GABRG3: variants seen among roughly 807,000 people sequenced by gnomAD.
The protein encoded by GABRG3 is gamma-aminobutyric acid receptor subunit gamma-3.
GABRG3 carries 25 observed loss-of-function variants against 48.8 expected under a neutral mutation model. That is an observed-to-expected ratio of 0.51 (90% confidence interval 0.37 to 0.72). The LOEUF is 0.72. GABRG3 is among the 30% of genes least tolerant of loss of function. The pLI is 0.00. For synonymous variants in GABRG3, 227 were observed against 217.6 expected, an observed-to-expected ratio of 1.04 and a Z score of -0.38; for missense variants, 394 against 577.9, an observed-to-expected ratio of 0.68 and a Z score of 3.26.
chr15:27,310,024 T>G (rs770784930), intron 3 of GABRG3, among the ~76,000 whole-genome samples: 5 of 152,042 alleles, frequency 3.3e-5, no homozygotes, highest in Admixed American at 2.0e-4. Flanking sequence ...CTTGGACAAA[T>G]CTCAGAGGCA....
intron 7 of GABRG3, among the ~76,000 whole-genome samples, chr15:27,521,433 G>A (rs887561760): frequency 6.6e-6 from 1 of 152,074 alleles, no homozygotes; most frequent in Non-Finnish European, 1.5e-5. Context: ...TTCTTAAAAA[G>A]ATAATATAGT....
chr15:27,175,606 C>A (rs892147569), intron 3 of GABRG3, among the ~76,000 whole-genome samples: 1 of 152,220 alleles, frequency 6.6e-6, no homozygotes, highest in South Asian at 2.1e-4. Context: ...AAGAGCTAGA[C>A]ATGAGGCTCT....
chr15:27,379,804 T>C (rs1354848075), intron 5 of GABRG3, among the ~76,000 whole-genome samples: 1 of 152,218 alleles, frequency 6.6e-6, no homozygotes, highest in Non-Finnish European at 1.5e-5. Context: ...TCTGCTTCTC[T>C]ATAGTGAAGG....
intron 3 of GABRG3, among the ~76,000 whole-genome samples, chr15:27,317,632 G>C (rs554696345): frequency 6.6e-6 from 1 of 152,322 alleles, no homozygotes; most frequent in South Asian, 2.1e-4. Context: ...TTCAGTCTGA[G>C]GGTAAAACGT....
At chr15:27,281,713 C>T (rs1891439762) in intron 3 of GABRG3, among the ~76,000 whole-genome samples, 1 of 151,290 alleles carries the variant, frequency 6.6e-6, no homozygotes, top group Non-Finnish European at 1.5e-5. Context: ...ATATGTTTGT[C>T]TTAAATATAT....
chr15:27,467,109 G>T (rs1267545377), intron 5 of GABRG3, among the ~76,000 whole-genome samples: 1 of 152,184 alleles, frequency 6.6e-6, no homozygotes, highest in Non-Finnish European at 1.5e-5. Flanking sequence ...AGGTGGGGAA[G>T]TACCATGATC....
intron 5 of GABRG3, among the ~76,000 whole-genome samples, chr15:27,373,821 C>A (rs1895494368): frequency 6.6e-6 from 1 of 151,962 alleles, no homozygotes; most frequent in Non-Finnish European, 1.5e-5. Context: ...ATGAAAACAC[C>A]AATAAAGGAG....
chr15:26,974,828 G>T lies in GABRG3; in HGVS notation c.54-2174G>T, dbSNP rs1041111618. 6.8e-6 allele frequency among the ~76,000 whole-genome samples: 1 copy of T among 147,198 alleles called. No individual in the cohort carries two copies. Among genetic ancestry groups the T allele is most frequent in the Non-Finnish European group, 1.5e-5 (1 of 67,302 alleles). On this transcript the variant is annotated intron_variant, in intron 1 of 9. Coordinates refer to ENST00000615808, the MANE Select transcript of GABRG3 (RefSeq NM_033223.5). The surrounding 1 kb of genome is among the most constrained non-coding windows in gnomAD (Gnocchi z 4.3). ...TTTCTGATAATATTTCAGATGACAC[G>T]AAATATTTTTTAAATTTATTATTAT...
intron 3 of GABRG3, among the ~76,000 whole-genome samples, chr15:27,147,033 C>T (rs2140393831): frequency 6.6e-6 from 1 of 151,972 alleles, no homozygotes; most frequent in East Asian, 1.9e-4. Context: ...ATATATGTTG[C>T]TTATGAGAGA....
At chr15:27,074,691 G>A (rs766492720) in intron 3 of GABRG3, among the ~76,000 whole-genome samples, 7 of 149,732 alleles carry the variant, frequency 4.7e-5, no homozygotes, top group Non-Finnish European at 7.4e-5. Context: ...TCCTTACCTC[G>A]CAAATAATAA....
chr15:27,016,031 G>C (rs2140671057), intron 2 of GABRG3, among the ~76,000 whole-genome samples: 1 of 152,128 alleles, frequency 6.6e-6, no homozygotes, highest in East Asian at 1.9e-4. Flanking sequence ...CATTAACGTA[G>C]TTTTATAATT....
chr15:27,279,055 A>G (rs1035934766), intron 3 of GABRG3, among the ~76,000 whole-genome samples: 3 of 152,132 alleles, frequency 2.0e-5, no homozygotes, highest in Admixed American at 6.5e-5. Flanking sequence ...ATGAAGTTGT[A>G]TGCTTATTTG....
chr15:27,286,204 C>T (rs916127053), intron 3 of GABRG3, among the ~76,000 whole-genome samples: 1 of 152,140 alleles, frequency 6.6e-6, no homozygotes. Flanking sequence ...TGTACTGATA[C>T]GTATGGAGCA....
intron 5 of GABRG3, among the ~76,000 whole-genome samples, chr15:27,376,082 A>G (rs904472193): frequency 6.6e-6 from 1 of 152,246 alleles, no homozygotes; most frequent in Non-Finnish European, 1.5e-5. Flanking sequence ...TGGCCAAAAC[A>G]AAGGGGCTAC....
At chr15:27,502,636 C>T (rs1448963422) in intron 6 of GABRG3, among the ~76,000 whole-genome samples, 2 of 152,220 alleles carry the variant, frequency 1.3e-5, no homozygotes, top group Non-Finnish European at 2.9e-5. Context: ...ACACCAGTCC[C>T]AAGTCTAGGT....
At chr15:27,381,337 C>A (rs151101833) in intron 5 of GABRG3, among the ~76,000 whole-genome samples, 113 of 152,306 alleles carry the variant, frequency 7.4e-4, no homozygotes, top group African/African-American at 2.6e-3. Flanking sequence ...ATTCCCTCCT[C>A]CTTCTGAAGG....
At chr15:27,498,212 A>G (rs1890533653) in intron 6 of GABRG3, among the ~76,000 whole-genome samples, 1 of 151,346 alleles carries the variant, frequency 6.6e-6, no homozygotes, top group Non-Finnish European at 1.5e-5. Context: ...ACCACCTGGC[A>G]TGGAGTGTCT....
At chr15:27,448,702 C>T (rs530473879) in intron 5 of GABRG3, among the ~76,000 whole-genome samples, 1 of 152,198 alleles carries the variant, frequency 6.6e-6, no homozygotes, top group East Asian at 1.9e-4. Flanking sequence ...AAATGATTGC[C>T]TCAAAGAACT....
chr15:27,046,765 C>A (rs978122336), intron 3 of GABRG3, among the ~76,000 whole-genome samples: 1 of 152,162 alleles, frequency 6.6e-6, no homozygotes, highest in Admixed American at 6.5e-5. Context: ...AAATGTCAGT[C>A]CACTCTTGGA....
Sources: allele counts gnomAD v4.1 joint callset (sites outside exome capture counted in the v4.1 genomes callset), GRCh38; gene constraint gnomAD v4.1.1; non-coding constraint Gnocchi (gnomAD v3.1); transcripts MANE v1.5; gene names NCBI Gene and HGNC (gene_info 2026-07-23, HGNC 2026-07-21).